Variants in DIAPH3 observed in about 807,000 individuals in gnomAD.
DIAPH3 encodes protein diaphanous homolog 3.
DIAPH3 carries 117 observed loss-of-function variants against 144.3 expected under a neutral mutation model. The observed-to-expected ratio is 0.81, with a 90% CI of 0.70 to 0.95. DIAPH3 has a LOEUF of 0.95. Among genes scored for constraint, DIAPH3 ranks in the 40% least tolerant of loss-of-function variants. DIAPH3 has a pLI of 0.00. For synonymous variants in DIAPH3, 519 were observed against 488.9 expected, an observed-to-expected ratio of 1.06 and a Z score of -0.81; for missense variants, 1,421 against 1,412.7, an observed-to-expected ratio of 1.01 and a Z score of -0.09.
chr13:59,742,717 A>G (rs536145737), intron 27 of DIAPH3, among the ~76,000 whole-genome samples: 1 of 137,812 alleles, frequency 7.3e-6, no homozygotes, highest in African/African-American at 2.9e-5. Context: ...AGAAAAGAAA[A>G]GAAAGAAAAG....
At chr13:59,915,660 C>T (rs1041029559) in intron 19 of DIAPH3, among the ~76,000 whole-genome samples, 4 of 152,024 alleles carry the variant, frequency 2.6e-5, no homozygotes, top group African/African-American at 9.7e-5. Context: ...TAACAAAAAT[C>T]TTCTAGCTTT....
At chr13:60,127,702 A>G (rs933566247) in intron 2 of DIAPH3, among the ~76,000 whole-genome samples, 1 of 152,146 alleles carries the variant, frequency 6.6e-6, no homozygotes, top group African/African-American at 2.4e-5. Context: ...CAGAATGCTG[A>G]TAAGTGTTTG....
In DIAPH3 at chr13:59,992,272, C is replaced by A; in HGVS notation, c.1126-86G>T. The A allele has an allele frequency of 1.3e-5, 15 of 1,180,268 alleles. 2 individuals are homozygous for A. The South Asian group carries it at 1.9e-4, about 15-fold the overall frequency. 73.1% of individuals were successfully genotyped at this position (1,180,268 alleles called of 1,614,324 possible). A position where few individuals can be genotyped will look rare whatever the true frequency, so the allele number is the denominator to read the frequency against. The stretch of plus-strand genomic sequence containing the variant: ...AAAAACATATAAACAATAAACCAAC[C>A]ATTCAACTTGATTTATAGCATTCGA... On this transcript the variant is annotated intron_variant, in intron 10 of 27. Transcript: ENST00000400324.
At chr13:59,864,019 AAGAGTT>A (rs1209716024) in intron 21 of DIAPH3, among the ~76,000 whole-genome samples, 1 of 152,138 alleles carries the variant, frequency 6.6e-6, no homozygotes, top group African/African-American at 2.4e-5. Flanking sequence ...TAGTGGAACT[AAGAGTT>A]AGTAGACACA....
chr13:60,133,044 T>C, intron 1 of DIAPH3, 55 bp from the exon 2 acceptor site: 1 of 1,276,652 alleles, frequency 7.8e-7, no homozygotes. Context: ...TTCTTTATTT[T>C]AGTTAATAGG....
At chr13:59,878,983 T>C (rs113042375) in intron 21 of DIAPH3, among the ~76,000 whole-genome samples, 12 of 152,162 alleles carry the variant, frequency 7.9e-5, no homozygotes, top group African/African-American at 2.9e-4. Context: ...CATAGGTTTA[T>C]GATATAATTT....
chr13:59,919,702 A>G (rs1216328576), intron 18 of DIAPH3, among the ~76,000 whole-genome samples: 2 of 152,112 alleles, frequency 1.3e-5, no homozygotes, highest in Non-Finnish European at 2.9e-5. Context: ...TGAGAAACAT[A>G]AAAATATCTG....
At chr13:59,882,652 A>AT (rs954912037) in intron 20 of DIAPH3, among the ~76,000 whole-genome samples, 16 of 152,196 alleles carry the variant, frequency 1.1e-4, no homozygotes, top group African/African-American at 3.9e-4. Context: ...ACAGAAAGTC[A>AT]TTTTTAAAAA....
intron 14 of DIAPH3, among the ~76,000 whole-genome samples, chr13:59,975,709 T>C (rs1033459430): frequency 1.3e-5 from 2 of 152,098 alleles, no homozygotes; most frequent in Admixed American, 6.6e-5. Flanking sequence ...ACTGCTTTAA[T>C]TCCCATTTTA....
At chr13:59,777,268 A>T (rs924221691) in intron 25 of DIAPH3, among the ~76,000 whole-genome samples, 1 of 152,202 alleles carries the variant, frequency 6.6e-6, no homozygotes, top group Non-Finnish European at 1.5e-5. Context: ...GGCCAAATTT[A>T]GGACAACTGA....
chr13:59,680,927 T>C (rs1488157995), intron 27 of DIAPH3, among the ~76,000 whole-genome samples: 1 of 152,130 alleles, frequency 6.6e-6, no homozygotes, highest in African/African-American at 2.4e-5. Flanking sequence ...CTGTCTGGAG[T>C]AGAACACGGA....
chr13:59,884,177 G>A (rs750893733), intron 20 of DIAPH3, among the ~76,000 whole-genome samples: 2 of 152,056 alleles, frequency 1.3e-5, no homozygotes, highest in Non-Finnish European at 2.9e-5. Context: ...AACTATGCAC[G>A]CAAAAGATCT....
intron 17 of DIAPH3, among the ~76,000 whole-genome samples, chr13:59,943,258 A>C (rs1052885414): frequency 1.3e-5 from 2 of 152,180 alleles, no homozygotes; most frequent in Admixed American, 6.5e-5. Context: ...AAGAACTCTT[A>C]TTTTATAGAT....
intron 27 of DIAPH3, among the ~76,000 whole-genome samples, chr13:59,753,608 T>C (rs547405268): frequency 6.6e-6 from 1 of 152,310 alleles, no homozygotes; most frequent in African/African-American, 2.4e-5. Context: ...TAATTATACT[T>C]GTCACTTACA....
At chr13:59,811,764 T>C (rs1403069455) in intron 24 of DIAPH3, among the ~76,000 whole-genome samples, 1 of 149,358 alleles carries the variant, frequency 6.7e-6, no homozygotes, top group East Asian at 2.0e-4. Flanking sequence ...AAAAGAAATG[T>C]TTGTCATTTC....
chr13:59,783,152 T>C lies in DIAPH3; in HGVS notation c.3164-8329A>G, dbSNP rs149514197. 4.6e-5 allele frequency among the ~76,000 whole-genome samples: 7 copies of C among 152,256 alleles called. No homozygotes were observed. The East Asian group carries it at 1.4e-3, about 29-fold the overall frequency. ...CAAACCCAAGAGGCATGTTTAATGATTTAAATCTAGACAAAATGTGATTTC... is the reference window on the plus strand; with the variant it reads ...CAAACCCAAGAGGCATGTTTAATGACTTAAATCTAGACAAAATGTGATTTC... On this transcript the variant is annotated intron_variant, in intron 25 of 27. Coordinates refer to ENST00000400324, the MANE Select transcript of DIAPH3 (RefSeq NM_001042517.2).
At chr13:60,018,376 A>G (rs904922660) in intron 5 of DIAPH3, among the ~76,000 whole-genome samples, 2 of 152,170 alleles carry the variant, frequency 1.3e-5, no homozygotes, top group Non-Finnish European at 2.9e-5. Context: ...ATTATGACCC[A>G]CTATAAAATT....
chr13:59,756,442 AAAGAAG>A (rs879426500), intron 27 of DIAPH3, among the ~76,000 whole-genome samples: 19 of 128,186 alleles, frequency 1.5e-4, no homozygotes, highest in Non-Finnish European at 6.5e-5. Flanking sequence ...GGAAGGAAGG[AAAGAAG>A]GAAGGAAGGA....
intron 1 of DIAPH3, among the ~76,000 whole-genome samples, chr13:60,136,472 CAAAAA>C (rs34487556): frequency 2.4e-5 from 2 of 81,978 alleles, no homozygotes; most frequent in Non-Finnish European, 5.1e-5. Context: ...TTATATTTAC[CAAAAA>C]AAAAAAAAAA....
Sources: allele counts gnomAD v4.1 joint callset (sites outside exome capture counted in the v4.1 genomes callset), GRCh38; gene constraint gnomAD v4.1.1; transcripts MANE v1.5; gene names NCBI Gene and HGNC (gene_info 2026-07-23, HGNC 2026-07-21).